Variants in BAZ1B observed in about 807,000 individuals in gnomAD.
BAZ1B encodes the protein tyrosine-protein kinase BAZ1B.
A neutral mutation model predicts 153.8 loss-of-function variants in BAZ1B; 22 were observed. That is an observed-to-expected ratio of 0.14 (90% CI 0.10 to 0.20). The LOEUF is 0.20. Ranked by LOEUF, BAZ1B falls within the 10% of genes least tolerant of loss-of-function variation. The pLI, the probability that BAZ1B is intolerant of heterozygous loss-of-function variation, is 1.00. For synonymous variants in BAZ1B, 676 were observed against 633.4 expected (o/e 1.07, Z -1.01); for missense variants, 1,325 against 1,799.3 (o/e 0.74, Z 4.77).
chr7:73,511,336 A>T (rs782592893), intron 1 of BAZ1B, among the ~76,000 whole-genome samples: 5 of 152,002 alleles, frequency 3.3e-5, no homozygotes, highest in Non-Finnish European at 5.9e-5. Context: ...CTAAGACTGA[A>T]GTATAATGAG....
At chr7:73,472,430 G>A (rs982172187) in intron 7 of BAZ1B, among the ~76,000 whole-genome samples, 2 of 151,096 alleles carry the variant, frequency 1.3e-5, no homozygotes, top group East Asian at 2.0e-4. Flanking sequence ...GGCTAATTTT[G>A]TATTTTTAGT....
At chr7:73,470,145 G>T (rs1792322899) in intron 8 of BAZ1B, among the ~76,000 whole-genome samples, 200 bp downstream of exon 8, 1 of 152,162 alleles carries the variant, frequency 6.6e-6, no homozygotes, top group African/African-American at 2.4e-5. Flanking sequence ...GTATATGCAA[G>T]GGCAGGAATA....
In BAZ1B at chr7:73,477,763, T is replaced by C; in HGVS notation, c.1698A>G (p.Arg566=). ...KKLKEKAKER[R]EKEMLERLEK... ...CTAATCTCTCAAGCATTTCTTTCTC[T>C]CTTCGTTCTTTGGCTTTTTCCTTCA... The change falls in exon 7 of 20, where the codon AGA becomes AGG. Residue 566 remains arginine (R), a synonymous_variant. Transcript: ENST00000339594. This position sits in a 1 kb window ranked among gnomAD's most constrained non-coding sequence, Gnocchi z 5.6. 6.2e-7 allele frequency: 1 copy of C among 1,614,236 alleles called. No individual in the cohort carries two copies. Among genetic ancestry groups the C allele is most frequent in the Non-Finnish European group, 8.5e-7 (1 of 1,180,052 alleles).
intron 11 of BAZ1B, among the ~76,000 whole-genome samples, chr7:73,465,009 A>G (rs1221320454): frequency 2.6e-5 from 4 of 152,218 alleles, no homozygotes; most frequent in Non-Finnish European, 5.9e-5. Flanking sequence ...TGCCGGGATT[A>G]CAGGTGTGAG....
chr7:73,494,179 C>T (rs932046362), intron 4 of BAZ1B, among the ~76,000 whole-genome samples: 8 of 151,754 alleles, frequency 5.3e-5, no homozygotes, highest in Non-Finnish European at 8.8e-5. Context: ...CTCAAGAATT[C>T]GAGACCAGCC....
Position 73,444,010 on chromosome 7 carries a change from C to T in BAZ1B, c.3964G>A (p.Val1322Met), listed in dbSNP as rs782423608. The T allele has an allele frequency of 1.2e-5, 19 of 1,613,768 alleles. No individual in the cohort carries two copies. The highest frequency in any genetic ancestry group is 1.7e-4 in the Middle Eastern group (1 of 6,058). ...AGCTCATCCACCTCAGCATCATCCA[C>T]AGGTGGTGCCTTGGGCTGAGACCTC... Reference protein sequence around the residue: ...TRRSQPKAPPVDDAEVDELVL... With the variant: ...TRRSQPKAPPMDDAEVDELVL... Residue 1322 changes from valine (V) to methionine (M), a missense_variant, in exon 17 of 20, where the codon GTG becomes ATG. This residue lies in a region of BAZ1B where 271 missense variants were observed against 337.2 expected (regional missense o/e 0.80). Transcript: ENST00000339594.
chr7:73,450,539 A>G lies in BAZ1B; in HGVS notation c.3580+308T>C, dbSNP rs714052. ...GATGACTAAAGTTCTGAGCCAATCAAAGGATTTAAAACTAAACTAACTAAA... is the reference window on the plus strand; with the variant it reads ...GATGACTAAAGTTCTGAGCCAATCAGAGGATTTAAAACTAAACTAACTAAA... On this transcript the variant is annotated intron_variant, in intron 14 of 19. Coordinates refer to ENST00000339594, the MANE Select transcript of BAZ1B (RefSeq NM_032408.4). The surrounding 1 kb of genome is among the most constrained non-coding windows in gnomAD (Gnocchi z 4.1). Among the ~76,000 whole-genome samples the G allele has an allele frequency of 0.092, 14,082 of 152,246 alleles. 787 individuals carry two copies. Among genetic ancestry groups the G allele is most frequent in the Middle Eastern group, 0.13 (38 of 294 alleles).
chr7:73,444,740 C>T (rs1369658497), intron 16 of BAZ1B, among the ~76,000 whole-genome samples: 4 of 152,252 alleles, frequency 2.6e-5, no homozygotes, highest in Middle Eastern at 3.4e-3. Context: ...ATAGGCCGGG[C>T]GTTGTGGCTC....
In BAZ1B at chr7:73,498,610, T is replaced by C. The variant is rs1360731499; in HGVS notation, c.458A>G (p.Asp153Gly). 8 of 1,614,006 alleles carry C rather than the reference T, an allele frequency of 5.0e-6. No individual in the cohort carries two copies. The highest frequency in any genetic ancestry group is 3.3e-5 in the Admixed American group (2 of 59,994). Residue 153 changes from aspartate to glycine, a missense_variant, in exon 4 of 20, where the codon GAT becomes GGT. Physicochemically the swap from Asp to Gly is moderately conservative, Grantham distance 94 (BLOSUM62 -1). Around this residue, in one of 9 missense-constraint regions of BAZ1B, gnomAD observed 153 missense variants for 204.8 expected, o/e 0.75. Coordinates refer to ENST00000339594, the MANE Select transcript of BAZ1B (RefSeq NM_032408.4). ...ACTTGATGGAGAATCACAGGCACCA[T>C]CAGATTTCTTCTCAGTGGCCTCTTC... ...VDEEATEKKS[D>G]GACDSPSSDK...
At position 73,477,591 on chromosome 7, in the gene BAZ1B, G is replaced by A; in HGVS notation, c.1870C>T (p.Leu624Phe). The A allele has an allele frequency of 5.0e-6, 8 of 1,614,214 alleles. No individual in the cohort carries two copies. The highest frequency in any genetic ancestry group is 6.8e-6 in the Non-Finnish European group (8 of 1,180,048). Residue 624 changes from leucine to phenylalanine, a missense_variant, in exon 7 of 20, where the codon CTT becomes TTT. Leu to Phe is a conservative substitution (Grantham distance 22). Around this residue, in one of 9 missense-constraint regions of BAZ1B, gnomAD observed 154 missense variants for 266.3 expected, o/e 0.58. Coordinates refer to ENST00000339594, the MANE Select transcript of BAZ1B (RefSeq NM_032408.4). This position sits in a 1 kb window ranked among gnomAD's most constrained non-coding sequence, Gnocchi z 5.6. ...VEFLSCYSGL[L>F]LPDAQYPITA... ...ATAGGATACTGAGCATCTGGTAAAAGTAGCCCAGAATAACAGCTCAAGAAT... is the reference window on the plus strand; with the variant it reads ...ATAGGATACTGAGCATCTGGTAAAAATAGCCCAGAATAACAGCTCAAGAAT...
chr7:73,504,403 T>C (rs529158423), intron 3 of BAZ1B, among the ~76,000 whole-genome samples: 1 of 151,950 alleles, frequency 6.6e-6, no homozygotes, highest in Non-Finnish European at 1.5e-5. Context: ...GTGGCTCACA[T>C]CTGTAATCCC....
chr7:73,511,579 T>C (rs1790581487), intron 1 of BAZ1B, among the ~76,000 whole-genome samples: 1 of 152,130 alleles, frequency 6.6e-6, no homozygotes, highest in Admixed American at 6.5e-5. Context: ...CAAATGTGAT[T>C]TCCTCAATTC....
rs1790551755 is a variant in BAZ1B at position 73,510,937 on chromosome 7, A to C, written c.108-85T>G. 5.4e-6 allele frequency: 6 copies of C among 1,111,594 alleles called. No individual in the cohort carries two copies. In the Admixed American group the frequency reaches 6.2e-5, roughly 12 times the overall value. The allele number at this position is 1,111,594 out of a possible 1,614,324, so 68.9% of individuals were successfully genotyped here. On this transcript the variant is annotated intron_variant, in intron 1 of 19. Transcript: ENST00000339594. The stretch of plus-strand genomic sequence containing the variant: ...ATAAGATACTTATATACAGAAAAAA[A>C]TCTAGTCTCCTTTTTAAAATGTGTA...
At position 73,508,546 on chromosome 7, in the gene BAZ1B, ATTTC is replaced by A. The variant is rs533059593; in HGVS notation, c.225-79_225-76del. The A allele has an allele frequency of 2.5e-3, 3,622 of 1,449,998 alleles. 11 individuals carry two copies. Among genetic ancestry groups the A allele is most frequent in the Middle Eastern group, 0.01 (53 of 5,262 alleles). 89.8% of individuals were successfully genotyped at this position (1,449,998 alleles called of 1,614,324 possible). A position where few individuals can be genotyped will look rare whatever the true frequency, so the allele number is the denominator to read the frequency against. On this transcript the variant is annotated intron_variant, in intron 2 of 19. Coordinates refer to ENST00000339594, the MANE Select transcript of BAZ1B (RefSeq NM_032408.4). ...AGATTTAATTCAAGTCAATTCAAAC[ATTTC>A]TTTCTTTCTTTTCCAAACATTTCAA...
intron 9 of BAZ1B, among the ~76,000 whole-genome samples, chr7:73,466,980 G>A (rs1204937068): frequency 2.6e-5 from 4 of 152,140 alleles, no homozygotes; most frequent in African/African-American, 9.7e-5. Context: ...CGCCCAGGCT[G>A]GAGTGCAGTG....
At chr7:73,512,533 A>T (rs1379961461) in intron 1 of BAZ1B, among the ~76,000 whole-genome samples, 1 of 152,198 alleles carries the variant, frequency 6.6e-6, no homozygotes, top group African/African-American at 2.4e-5. Flanking sequence ...CCGTTTAGAC[A>T]GTCTTCGTGA....
At chr7:73,442,926 G>A in intron 17 of BAZ1B, 98 bp from the exon 18 acceptor site, 1 of 917,966 alleles carries the variant, frequency 1.1e-6, no homozygotes, top group South Asian at 1.6e-5. Context: ...AAGGAAGAGA[G>A]TTCAACTATT....
chr7:73,482,820 T>C (rs541252899), intron 6 of BAZ1B, among the ~76,000 whole-genome samples: 22 of 152,212 alleles, frequency 1.4e-4, no homozygotes, highest in African/African-American at 5.1e-4. Flanking sequence ...TTCTTAAAAA[T>C]GAAAGAAATG....
chr7:73,506,198 A>G (rs529313735), intron 3 of BAZ1B, among the ~76,000 whole-genome samples: 1 of 152,210 alleles, frequency 6.6e-6, no homozygotes, highest in African/African-American at 2.4e-5. Flanking sequence ...TTTTGACTGG[A>G]TAATTAAAAA....
Sources: gnomAD v4.1 joint callset for allele counts (sites outside exome capture counted in the v4.1 genomes callset) on GRCh38, gnomAD v4.1.1 for gene constraint, gnomAD v4.1.1 regional missense constraint, Gnocchi (gnomAD v3.1) non-coding constraint, MANE v1.5 for transcripts, NCBI Gene and HGNC (gene_info 2026-07-23, HGNC 2026-07-21) for gene names.